Variants in PPP1R14C observed in about 807,000 individuals in gnomAD.
The protein encoded by PPP1R14C is protein phosphatase 1 regulatory inhibitor subunit 14C.
PPP1R14C carries 16 observed loss-of-function variants against 20.4 expected under a neutral mutation model. That is an observed-to-expected ratio of 0.78 (90% confidence interval 0.53 to 1.19). The LOEUF is 1.19. Ranked by LOEUF, PPP1R14C falls within the 50% of genes most tolerant of loss-of-function variation. The pLI is 0.00. For synonymous variants in PPP1R14C, 91 were observed against 91.0 expected, an observed-to-expected ratio of 1.00 and a Z score of 0.00; for missense variants, 211 against 220.1, an observed-to-expected ratio of 0.96 and a Z score of 0.26.
At chr6:150,144,112 G>T (rs1374358908) in intron 1 of PPP1R14C, among the ~76,000 whole-genome samples, 3 of 152,244 alleles carry the variant, frequency 2.0e-5, no homozygotes, top group Non-Finnish European at 4.4e-5. Context: ...AGCTGCACAC[G>T]TTGTGCTTTG....
intron 3 of PPP1R14C, among the ~76,000 whole-genome samples, chr6:150,247,800 T>C (rs1778512302): frequency 6.6e-6 from 1 of 152,202 alleles, no homozygotes; most frequent in Admixed American, 6.5e-5. Context: ...GTCAGAAATG[T>C]ACCTTATTGG....
intron 1 of PPP1R14C, among the ~76,000 whole-genome samples, chr6:150,197,501 G>C (rs748742877): frequency 3.3e-5 from 5 of 152,348 alleles, no homozygotes; most frequent in Middle Eastern, 3.4e-3. Context: ...AGTGAGAAGG[G>C]AACAGGTGGC....
At chr6:150,205,117 G>T (rs1306722460) in intron 1 of PPP1R14C, among the ~76,000 whole-genome samples, 1 of 151,722 alleles carries the variant, frequency 6.6e-6, no homozygotes, top group African/African-American at 2.4e-5. Context: ...AACTAAGCCT[G>T]CCCTGGGTGC....
At chr6:150,241,478 A>G (rs1006599064) in intron 3 of PPP1R14C, among the ~76,000 whole-genome samples, 3 of 152,220 alleles carry the variant, frequency 2.0e-5, no homozygotes, top group African/African-American at 7.2e-5. Context: ...CTGGTCAGCC[A>G]GAAGTATAGG....
At chr6:150,221,497 C>T (rs992014907) in intron 3 of PPP1R14C, among the ~76,000 whole-genome samples, 6 of 152,162 alleles carry the variant, frequency 3.9e-5, no homozygotes, top group Non-Finnish European at 7.4e-5. Flanking sequence ...TGTTATTGAT[C>T]AAAATTATTT....
intron 1 of PPP1R14C, among the ~76,000 whole-genome samples, chr6:150,187,716 T>C (rs987760962): frequency 6.6e-6 from 1 of 152,236 alleles, no homozygotes; most frequent in African/African-American, 2.4e-5. Flanking sequence ...TTAAGTTGAT[T>C]CCATGTCTTT....
intron 1 of PPP1R14C, among the ~76,000 whole-genome samples, chr6:150,211,895 C>T (rs185937996): frequency 2.6e-5 from 4 of 152,306 alleles, no homozygotes; most frequent in East Asian, 1.9e-4. Context: ...TGGTAAAAAG[C>T]GCAGATGCCT....
chr6:150,248,825 G>A lies in PPP1R14C; in HGVS notation c.*5G>A. Reference sequence around the variant, plus strand: ...CCGCAGAAGAAGAGTGTATGATTCTGGAACAGGGTGAAACTCTCCCAGAGA... The same window carrying A: ...CCGCAGAAGAAGAGTGTATGATTCTAGAACAGGGTGAAACTCTCCCAGAGA... On this transcript the variant is annotated 3_prime_UTR_variant, in exon 4 of 4. Coordinates refer to ENST00000361131, the MANE Select transcript of PPP1R14C (RefSeq NM_030949.3). 6.2e-7 allele frequency: 1 copy of A among 1,601,286 alleles called. No individual in the cohort carries two copies. Among genetic ancestry groups the A allele is most frequent in the Non-Finnish European group, 8.6e-7 (1 of 1,168,872 alleles).
At position 150,143,521 on chromosome 6, in the gene PPP1R14C, G is replaced by C; in HGVS notation, c.306+23G>C. ...GAGGTACCTGGGCGCGGGGCTGGGA[G>C]GGTCGGGGACCTCTCTAGCTCCTCT... On this transcript the variant is annotated intron_variant, in intron 1 of 3. Transcript: ENST00000361131. The surrounding 1 kb of genome is among the most constrained non-coding windows in gnomAD (Gnocchi z 5.6). 1 of 1,452,398 alleles carries C rather than the reference G, an allele frequency of 6.9e-7. No homozygotes were observed. The highest frequency in any genetic ancestry group is 9.5e-7 in the Non-Finnish European group (1 of 1,057,770). The allele number at this position is 1,452,398 out of a possible 1,614,324, so 90.0% of individuals were successfully genotyped here.
intron 3 of PPP1R14C, among the ~76,000 whole-genome samples, chr6:150,239,791 G>A (rs1006372398): frequency 3.9e-5 from 6 of 152,186 alleles, no homozygotes; most frequent in Non-Finnish European, 5.9e-5. Flanking sequence ...GTAATTACAC[G>A]CCTGTAATCC....
At chr6:150,216,991 A>G (rs1011409574) in intron 3 of PPP1R14C, 135 bp downstream of exon 3, 15 of 624,422 alleles carry the variant, frequency 2.4e-5, no homozygotes, top group Non-Finnish European at 3.6e-5. Context: ...CCATGAGTGC[A>G]TATGTTTGAA....
intron 1 of PPP1R14C, among the ~76,000 whole-genome samples, chr6:150,188,823 A>G (rs1777708649): frequency 6.7e-6 from 1 of 150,052 alleles, no homozygotes; most frequent in African/African-American, 2.4e-5. Flanking sequence ...TTCTTACAGG[A>G]TTTTTTATTT....
At chr6:150,240,965 C>T (rs146734957) in intron 3 of PPP1R14C, among the ~76,000 whole-genome samples, 7 of 152,092 alleles carry the variant, frequency 4.6e-5, no homozygotes, top group East Asian at 1.9e-4. Context: ...CATCTTTGAC[C>T]GCAGTTCTTG....
intron 1 of PPP1R14C, chr6:150,196,211 G>C (rs1350098164): frequency 1.4e-6 from 1 of 737,748 alleles, no homozygotes; most frequent in African/African-American, 1.9e-5. Context: ...AAGATTTATG[G>C]TCATTGAGGG....
At chr6:150,186,502 G>A (rs1038092830) in intron 1 of PPP1R14C, among the ~76,000 whole-genome samples, 5 of 152,166 alleles carry the variant, frequency 3.3e-5, no homozygotes, top group Non-Finnish European at 7.3e-5. Flanking sequence ...GCATAGGTGA[G>A]CTCCACATCC....
At chr6:150,160,966 T>C (rs1024777447) in intron 1 of PPP1R14C, among the ~76,000 whole-genome samples, 1 of 152,060 alleles carries the variant, frequency 6.6e-6, no homozygotes, top group Non-Finnish European at 1.5e-5. Flanking sequence ...CTGATTCCTT[T>C]TATTAGAGAA....
intron 1 of PPP1R14C, among the ~76,000 whole-genome samples, chr6:150,168,477 G>A (rs990822089): frequency 2.0e-5 from 3 of 152,080 alleles, no homozygotes; most frequent in Non-Finnish European, 2.9e-5. Flanking sequence ...AGCTTGCAGT[G>A]AGCCGAGATA....
intron 1 of PPP1R14C, among the ~76,000 whole-genome samples, chr6:150,191,519 G>T (rs145597608): frequency 6.6e-6 from 1 of 152,202 alleles, no homozygotes; most frequent in Non-Finnish European, 1.5e-5. Context: ...CAGAGCATCC[G>T]CAGCAGTGTG....
rs981657375 is a variant in PPP1R14C, at chr6:150,201,936, C to T, written c.307-12808C>T. ...ACATTGCCTGCATAAACATGCATTACAGGTAAACGATTATGGTAATAATTT... is the reference window on the plus strand; with the variant it reads ...ACATTGCCTGCATAAACATGCATTATAGGTAAACGATTATGGTAATAATTT... On this transcript the variant is annotated intron_variant, in intron 1 of 3. Transcript: ENST00000361131. This position sits in a 1 kb window ranked among gnomAD's most constrained non-coding sequence, Gnocchi z 4.2. 2.0e-5 allele frequency among the ~76,000 whole-genome samples: 3 copies of T among 152,122 alleles called. No homozygotes were observed. Among genetic ancestry groups the T allele is most frequent in the African/African-American group, 7.2e-5 (3 of 41,400 alleles).
Sources: gnomAD v4.1 joint callset for allele counts (sites outside exome capture counted in the v4.1 genomes callset) on GRCh38, gnomAD v4.1.1 for gene constraint, Gnocchi (gnomAD v3.1) non-coding constraint, MANE v1.5 for transcripts, NCBI Gene and HGNC (gene_info 2026-07-23, HGNC 2026-07-21) for gene names.